ADARB2: variants seen among roughly 807,000 people sequenced by gnomAD.
ADARB2 encodes adenosine deaminase RNA specific B2 (inactive), also known as inactive double-stranded RNA-specific editase B2.
Under a neutral mutation model 62.2 loss-of-function variants are expected in ADARB2, and 25 were observed. The observed-to-expected ratio is 0.40, with a 90% CI of 0.29 to 0.56. The LOEUF (loss-of-function observed/expected upper bound fraction) is 0.56. Among genes scored for constraint, ADARB2 ranks in the 20% least tolerant of loss-of-function variants. The probability of loss-of-function intolerance (pLI) is 0.43; values close to 1 mark genes in which losing one functional copy is unlikely to be tolerated. For missense variants in ADARB2, 1,071 were observed against 1,077.4 expected (o/e 0.99, Z 0.08); for synonymous variants, 572 against 500.8 (o/e 1.14, Z -1.90).
At chr10:1,610,773 C>T (rs1019606182) in intron 1 of ADARB2, among the ~76,000 whole-genome samples, 20 of 151,770 alleles carry the variant, frequency 1.3e-4, no homozygotes, top group Admixed American at 1.2e-3. Context: ...CACACACATG[C>T]ACAGACACAC....
At chr10:1,252,692 C>G (rs756971896) in intron 4 of ADARB2, among the ~76,000 whole-genome samples, 2 of 151,080 alleles carry the variant, frequency 1.3e-5, no homozygotes, top group Non-Finnish European at 2.9e-5. Flanking sequence ...GGTGTTTCTG[C>G]TTCCATTCTC....
chr10:1,269,510 A>G (rs763694431), intron 4 of ADARB2, among the ~76,000 whole-genome samples: 1 of 152,222 alleles, frequency 6.6e-6, no homozygotes, highest in Non-Finnish European at 1.5e-5. Context: ...ACATGAACAC[A>G]TTTAGCCTTC....
chr10:1,611,333 T>C (rs144200648), intron 1 of ADARB2, among the ~76,000 whole-genome samples: 15 of 152,342 alleles, frequency 9.8e-5, no homozygotes, highest in African/African-American at 2.6e-4. Flanking sequence ...AGTTCCTCTC[T>C]CAACTTACTC....
chr10:1,533,581 G>A (rs540285679), intron 1 of ADARB2, among the ~76,000 whole-genome samples: 2 of 152,316 alleles, frequency 1.3e-5, no homozygotes, highest in East Asian at 3.9e-4. Flanking sequence ...ACTCTGCGAT[G>A]CCTCCCAAGG....
intron 5 of ADARB2, among the ~76,000 whole-genome samples, chr10:1,234,524 T>G (rs1830844278): frequency 6.6e-6 from 1 of 151,598 alleles, no homozygotes; most frequent in Non-Finnish European, 1.5e-5. Context: ...CACTGTAGCC[T>G]CAGCTTCCTG....
intron 3 of ADARB2, among the ~76,000 whole-genome samples, chr10:1,328,769 A>G (rs1265488325): frequency 6.6e-6 from 1 of 152,062 alleles, no homozygotes; most frequent in African/African-American, 2.4e-5. Flanking sequence ...AGGCAGGAGG[A>G]TTACTTGGGC....
intron 8 of ADARB2, among the ~76,000 whole-genome samples, chr10:1,194,591 T>G (rs1836884746): frequency 6.6e-6 from 1 of 152,242 alleles, no homozygotes; most frequent in Non-Finnish European, 1.5e-5. Context: ...ATATATCATT[T>G]CTGCCTTCTG....
At chr10:1,475,033 G>A (rs1226009195) in intron 1 of ADARB2, among the ~76,000 whole-genome samples, 1 of 152,084 alleles carries the variant, frequency 6.6e-6, no homozygotes, top group Non-Finnish European at 1.5e-5. Flanking sequence ...CGCCCACGGG[G>A]ACCCCCACGG....
At chr10:1,681,052 G>A (rs1834529128) in intron 1 of ADARB2, among the ~76,000 whole-genome samples, 2 of 152,184 alleles carry the variant, frequency 1.3e-5, no homozygotes, top group South Asian at 4.1e-4. Flanking sequence ...AAATGGGCCT[G>A]AGAGAAGTGG....
At chr10:1,358,372 G>A (rs1377525782) in intron 3 of ADARB2, among the ~76,000 whole-genome samples, 1 of 152,160 alleles carries the variant, frequency 6.6e-6, no homozygotes, top group African/African-American at 2.4e-5. Flanking sequence ...TGCGGAGCCA[G>A]GTCCATCCCA....
chr10:1,698,009 C>T (rs533972874), intron 1 of ADARB2, among the ~76,000 whole-genome samples: 4 of 152,280 alleles, frequency 2.6e-5, no homozygotes, highest in East Asian at 1.9e-4. Context: ...CGACTTTCAC[C>T]TGTCAGAAAA....
At chr10:1,494,407 T>C (rs1389244237) in intron 1 of ADARB2, among the ~76,000 whole-genome samples, 2 of 152,224 alleles carry the variant, frequency 1.3e-5, no homozygotes, top group Non-Finnish European at 2.9e-5. Flanking sequence ...AATGGTGTAC[T>C]TGTTGGTGAA....
rs1414854874 is a variant in ADARB2 at position 1,309,677 on chromosome 10, G to A, written c.1078-38608C>T. On this transcript the variant is annotated intron_variant, in intron 3 of 9. Transcript: ENST00000381312. ...GGTTCAGGGCCTGGCAAGGCAGGAT[G>A]AGCCACTAGGCTCTGGTCTTCAGAT... Among the ~76,000 whole-genome samples, 6 of 152,242 alleles carry A rather than the reference G, an allele frequency of 3.9e-5. No individual in the cohort carries two copies. In the East Asian group the frequency reaches 5.8e-4, roughly 15 times the overall value.
intron 3 of ADARB2, among the ~76,000 whole-genome samples, chr10:1,293,660 C>A (rs1831498233): frequency 6.6e-6 from 1 of 152,210 alleles, no homozygotes; most frequent in African/African-American, 2.4e-5. Flanking sequence ...GACAAAGCTT[C>A]CTCTGGAGAT....
chr10:1,443,896 C>A (rs1182269549), intron 1 of ADARB2, among the ~76,000 whole-genome samples: 3 of 152,148 alleles, frequency 2.0e-5, no homozygotes, highest in Non-Finnish European at 4.4e-5. Flanking sequence ...TGGGGGAGTA[C>A]AAATCTACCA....
At position 1,480,469 on chromosome 10, in the gene ADARB2, C is replaced by A. The variant is rs377539286; in HGVS notation, c.101-101309G>T. Reference sequence around the variant, plus strand: ...ATCCCAGCACTTTGGGAGGCCAAGGCGGGCGGGTCACTAGGTCAGGAGATT... The same window carrying A: ...ATCCCAGCACTTTGGGAGGCCAAGGAGGGCGGGTCACTAGGTCAGGAGATT... On this transcript the variant is annotated intron_variant, in intron 1 of 9. Coordinates refer to ENST00000381312, the MANE Select transcript of ADARB2 (RefSeq NM_018702.4). Among the ~76,000 whole-genome samples the A allele has an allele frequency of 8.5e-5, 13 of 152,264 alleles. No homozygotes were observed. The South Asian group carries it at 2.7e-3, about 32-fold the overall frequency.
intron 4 of ADARB2, among the ~76,000 whole-genome samples, chr10:1,259,381 AC>A (rs1302179187): frequency 2.0e-5 from 3 of 152,232 alleles, no homozygotes; most frequent in Non-Finnish European, 4.4e-5. Context: ...GAAAAGATCA[AC>A]AAAATTGATA....
chr10:1,229,067 G>T (rs746281809), intron 6 of ADARB2, among the ~76,000 whole-genome samples: 29 of 152,152 alleles, frequency 1.9e-4, no homozygotes, highest in Non-Finnish European at 1.5e-5. Flanking sequence ...AGCCAGAGCT[G>T]GAAACAACAA....
At chr10:1,695,759 C>T (rs1363815453) in intron 1 of ADARB2, among the ~76,000 whole-genome samples, 1 of 152,068 alleles carries the variant, frequency 6.6e-6, no homozygotes, top group South Asian at 2.1e-4. Flanking sequence ...TGGAAACATG[C>T]ATGTGTAGGT....
Sources: gnomAD v4.1 joint callset for allele counts (sites outside exome capture counted in the v4.1 genomes callset) on GRCh38, gnomAD v4.1.1 for gene constraint, MANE v1.5 for transcripts, NCBI Gene and HGNC (gene_info 2026-07-23, HGNC 2026-07-21) for gene names.